ANK2: variants seen among roughly 807,000 people sequenced by gnomAD.
ANK2 encodes the protein ankyrin-2.
ANK2 carries 83 observed loss-of-function variants against 360.5 expected under a neutral mutation model. The ratio of observed to expected loss-of-function variants is 0.23; its 90% confidence interval spans 0.19 to 0.28. The LOEUF (loss-of-function observed/expected upper bound fraction) is 0.28. Ranked by LOEUF, ANK2 falls within the 10% of genes least tolerant of loss-of-function variation. ANK2 has a pLI of 1.00. For synonymous variants in ANK2, 1,740 were observed against 1,759.5 expected, an observed-to-expected ratio of 0.99 and a Z score of 0.28; for missense variants, 4,201 against 4,795.7, an observed-to-expected ratio of 0.88 and a Z score of 3.66.
At chr4:113,085,825 G>A (rs999039605) in intron 1 of ANK2, among the ~76,000 whole-genome samples, 1 of 152,168 alleles carries the variant, frequency 6.6e-6, no homozygotes, top group Admixed American at 6.5e-5. Flanking sequence ...GAGTTATTAA[G>A]CACTAAAACC....
At chr4:113,247,033 AG>A (rs10706087) in intron 9 of ANK2, among the ~76,000 whole-genome samples, 96,562 of 151,166 alleles carry the variant, frequency 0.64, 31,619 homozygotes, top group South Asian at 0.77. Flanking sequence ...CTAAGCAGAG[AG>A]GGGGGAAGAT....
At chr4:112,759,605 G>A in the ANK2 span, among the ~76,000 whole-genome samples, 1 of 152,112 alleles carries the variant, frequency 6.6e-6, no homozygotes, top group African/African-American at 2.4e-5. Context: ...GAGAGGTAGG[G>A]GGGTGAGTAA....
chr4:112,891,961 A>C (rs1043933632), intron 1 of ANK2, among the ~76,000 whole-genome samples: 2 of 152,214 alleles, frequency 1.3e-5, no homozygotes, highest in Non-Finnish European at 2.9e-5. Context: ...GTTATCCCAG[A>C]GGAATAAAAT....
At chr4:113,002,032 T>G (rs917189523) in intron 2 of ANK2, among the ~76,000 whole-genome samples, 3 of 151,236 alleles carry the variant, frequency 2.0e-5, no homozygotes, top group African/African-American at 7.3e-5. Context: ...ATTTTTATTA[T>G]TATTATTTTA....
intron 1 of ANK2, among the ~76,000 whole-genome samples, chr4:112,850,147 C>T (rs1025499733): frequency 3.9e-5 from 6 of 152,102 alleles, no homozygotes; most frequent in African/African-American, 1.4e-4. Flanking sequence ...CCCTGTTTCT[C>T]AGGCCTTTGA....
chr4:113,316,020 G>C (rs940395320), intron 24 of ANK2, among the ~76,000 whole-genome samples: 1 of 151,630 alleles, frequency 6.6e-6, no homozygotes, highest in Non-Finnish European at 1.5e-5. Flanking sequence ...CATTCCACCA[G>C]CTGAGACAAG....
rs2079821759 is a variant in ANK2 at position 113,311,276 on chromosome 4, A to T, written c.2570A>T (p.Asp857Val). Residue 857 changes from aspartate to valine, a missense_variant, in exon 24 of 46, where the codon GAT (aspartate) becomes GTT (valine). By Grantham distance (152) the Asp-to-Val change is radical. This residue lies in a region of ANK2 where 1,268 missense variants were observed against 1,650.8 expected (regional missense o/e 0.77). Transcript: ENST00000357077. ...DEEGDDTMTGDGGEYLRPEDL... is the reference protein window; with the variant it reads ...DEEGDDTMTGVGGEYLRPEDL... ...CAAGGTGATGACACAATGACTGGTG[A>T]TGGGGGAGAATACCTTAGGCCTGAG... The T allele has an allele frequency of 5.0e-6, 8 of 1,614,082 alleles. No individual in the cohort carries two copies. The highest frequency in any genetic ancestry group is 6.8e-6 in the Non-Finnish European group (8 of 1,180,018).
intron 2 of ANK2, among the ~76,000 whole-genome samples, chr4:112,918,301 A>G (rs2090499624): frequency 6.6e-6 from 1 of 152,152 alleles, no homozygotes; most frequent in East Asian, 1.9e-4. Context: ...TGGAATGAAG[A>G]TAGCTTGATG....
intron 2 of ANK2, among the ~76,000 whole-genome samples, chr4:113,186,548 A>T (rs1300461604): frequency 1.2e-5 from 1 of 82,668 alleles, no homozygotes; most frequent in Non-Finnish European, 2.0e-5. Flanking sequence ...CCCCTCCTGG[A>T]TATCTTCCCG....
At chr4:113,081,511 T>C (rs1354833315) in intron 1 of ANK2, among the ~76,000 whole-genome samples, 1 of 152,218 alleles carries the variant, frequency 6.6e-6, no homozygotes, top group Non-Finnish European at 1.5e-5. Context: ...AGCTTAATAC[T>C]TAATGGAAAG....
intron 23 of ANK2, 99 bp from the exon 24 acceptor site, chr4:113,311,156 C>T: frequency 6.7e-7 from 1 of 1,495,860 alleles, no homozygotes; most frequent in Non-Finnish European, 9.3e-7. Flanking sequence ...TCATCAAGGT[C>T]AAGGTAATGA....
At chr4:113,142,821 ACT>A (rs758390534) in intron 1 of ANK2, among the ~76,000 whole-genome samples, 2 of 151,986 alleles carry the variant, frequency 1.3e-5, no homozygotes, top group Admixed American at 6.6e-5. Context: ...GTTGGTTCAT[ACT>A]CTCAGTGGTT....
At chr4:112,717,781 TA>T in the ANK2 span, among the ~76,000 whole-genome samples, 34 of 125,746 alleles carry the variant, frequency 2.7e-4, no homozygotes, top group African/African-American at 8.7e-4. Flanking sequence ...ATATTTACTT[TA>T]AAAAAAAAAT....
the ANK2 span, among the ~76,000 whole-genome samples, chr4:112,783,532 C>T: frequency 1.2e-3 from 189 of 152,052 alleles, no homozygotes; most frequent in Non-Finnish European, 2.0e-3. Flanking sequence ...ATAATTGTTC[C>T]TCATGTTTTT....
chr4:113,139,405 T>C (rs1295362826), intron 1 of ANK2, among the ~76,000 whole-genome samples: 4 of 152,216 alleles, frequency 2.6e-5, no homozygotes, highest in African/African-American at 9.6e-5. Flanking sequence ...AAATAGCTAT[T>C]ACAGCCAGAT....
At chr4:113,240,207 T>A (rs773525312) in intron 7 of ANK2, among the ~76,000 whole-genome samples, 2 of 152,174 alleles carry the variant, frequency 1.3e-5, no homozygotes, top group Non-Finnish European at 2.9e-5. Context: ...TAAGAAACAT[T>A]GTTTTGTATA....
chr4:113,156,442 C>T (rs2097301590), intron 1 of ANK2, among the ~76,000 whole-genome samples: 1 of 143,916 alleles, frequency 6.9e-6, no homozygotes, highest in Admixed American at 7.3e-5. Context: ...GTGATCACGA[C>T]TCACTGCAAC....
the ANK2 span, among the ~76,000 whole-genome samples, chr4:112,764,708 T>A: frequency 9.3e-6 from 1 of 107,032 alleles, no homozygotes; most frequent in Admixed American, 9.0e-5. Flanking sequence ...AAAAGTTATC[T>A]TTTTTTTTTT....
At chr4:113,342,907 G>T in intron 33 of ANK2, 110 bp from the exon 34 acceptor site, 1 of 1,350,914 alleles carries the variant, frequency 7.4e-7, no homozygotes, top group Non-Finnish European at 1.0e-6. Context: ...AAAGATGGTT[G>T]TATGTGTATT....
Sources: gnomAD v4.1 joint callset for allele counts (sites outside exome capture counted in the v4.1 genomes callset) on GRCh38, gnomAD v4.1.1 for gene constraint, gnomAD v4.1.1 regional missense constraint, MANE v1.5 for transcripts, NCBI Gene and HGNC (gene_info 2026-07-23, HGNC 2026-07-21) for gene names.